Variants in CSMD1 observed in about 807,000 individuals in gnomAD.
CSMD1 encodes the protein CUB and sushi domain-containing protein 1.
In CSMD1, 213 loss-of-function variants were observed where a neutral mutation model predicts 417.5. That is an observed-to-expected ratio of 0.51 (90% CI 0.46 to 0.57). The LOEUF is 0.57. Ranked by LOEUF, CSMD1 falls within the 20% of genes least tolerant of loss-of-function variation. The pLI is 0.00. For synonymous variants in CSMD1, 2,862 were observed against 1,736.8 expected (o/e 1.65, Z -16.11); for missense variants, 6,923 against 4,529.7 (o/e 1.53, Z -15.17).
chr8:3,025,481 A>C (rs570460335), intron 51 of CSMD1, among the ~76,000 whole-genome samples: 1 of 152,076 alleles, frequency 6.6e-6, no homozygotes. Context: ...GTGTGGTGTT[A>C]TTCTGAAACT....
In CSMD1 at chr8:4,543,615, C is replaced by T. The variant is rs537746700; in HGVS notation, c.302+93727G>A. 3.3e-3 allele frequency among the ~76,000 whole-genome samples: 411 copies of T among 124,618 alleles called. 1 individual carries two copies. The Middle Eastern group carries it at 0.053, about 16-fold the overall frequency. 81.8% of individuals were successfully genotyped at this position (124,618 alleles called of 152,430 possible). ...TTTTGTATGAACATAAGTTTCAATT[C>T]ATTTCAGTAGATACCTATGATGGCT... is the stretch of plus-strand genomic sequence containing the variant. On this transcript the variant is annotated intron_variant, in intron 2 of 69. Coordinates refer to ENST00000635120, the MANE Select transcript of CSMD1 (RefSeq NM_033225.6).
At chr8:3,695,810 C>G (rs1397245088) in intron 7 of CSMD1, among the ~76,000 whole-genome samples, 1 of 152,160 alleles carries the variant, frequency 6.6e-6, no homozygotes, top group Admixed American at 6.5e-5. Flanking sequence ...CCAGCAAACA[C>G]TTTTCCAACT....
rs529022546 is a variant in CSMD1, at chr8:4,421,158, A to T, written c.303-1093T>A. Among the ~76,000 whole-genome samples, 9 of 152,316 alleles carry T rather than the reference A, an allele frequency of 5.9e-5. No individual in the cohort carries two copies. In the East Asian group the frequency reaches 1.7e-3, roughly 29 times the overall value. On this transcript the variant is annotated intron_variant, in intron 2 of 69. Transcript: ENST00000635120. The stretch of plus-strand genomic sequence containing the variant: ...GAATGGAAAAAGAAACCATTGTCAT[A>T]CCAGAAGACACTGCTTTGTACTTTA...
chr8:4,468,002 T>C (rs1379611991), intron 2 of CSMD1, among the ~76,000 whole-genome samples: 1 of 152,172 alleles, frequency 6.6e-6, no homozygotes, highest in East Asian at 1.9e-4. Flanking sequence ...GCTGTAGATT[T>C]GTGTAGTGAT....
Position 3,698,722 on chromosome 8 carries a change from A to G in CSMD1, c.1009+9692T>C, listed in dbSNP as rs532092471. Among the ~76,000 whole-genome samples, 5 of 152,374 alleles carry G rather than the reference A, an allele frequency of 3.3e-5. No individual in the cohort carries two copies. In the East Asian group the frequency reaches 9.6e-4, roughly 29 times the overall value. On this transcript the variant is annotated intron_variant, in intron 7 of 69. Coordinates refer to ENST00000635120, the MANE Select transcript of CSMD1 (RefSeq NM_033225.6). ...TTGTGAAGCAAAATGTGTTTCTCAC[A>G]GATGAGTAAAGAGGATCATGTTCAT...
At chr8:4,454,539 T>A (rs1799353472) in intron 2 of CSMD1, among the ~76,000 whole-genome samples, 1 of 152,184 alleles carries the variant, frequency 6.6e-6, no homozygotes, top group Non-Finnish European at 1.5e-5. Flanking sequence ...TTCTGATTTC[T>A]AATACAGAGC....
intron 2 of CSMD1, among the ~76,000 whole-genome samples, chr8:4,550,329 G>GCACACAAA (rs1797815039): frequency 1.4e-5 from 2 of 139,622 alleles, no homozygotes; most frequent in Non-Finnish European, 3.1e-5. Context: ...ATACACACAC[G>GCACACAAA]CACACACACA....
chr8:3,501,370 C>G (rs552558253), intron 10 of CSMD1, among the ~76,000 whole-genome samples: 1 of 152,106 alleles, frequency 6.6e-6, no homozygotes, highest in African/African-American at 2.4e-5. Flanking sequence ...GATGTTCTTC[C>G]GTAAACTACA....
chr8:4,783,876 C>T (rs971089347), intron 1 of CSMD1, among the ~76,000 whole-genome samples: 1 of 152,128 alleles, frequency 6.6e-6, no homozygotes, highest in Admixed American at 6.5e-5. Context: ...TACTTTATGT[C>T]GGCTTTTGTG....
intron 20 of CSMD1, among the ~76,000 whole-genome samples, chr8:3,361,434 C>G (rs920662964): frequency 1.3e-5 from 2 of 151,840 alleles, no homozygotes; most frequent in Non-Finnish European, 2.9e-5. Context: ...TGAGACCAGA[C>G]TGACTAACAC....
At chr8:3,671,309 G>A (rs1021307136) in intron 7 of CSMD1, among the ~76,000 whole-genome samples, 1 of 147,494 alleles carries the variant, frequency 6.8e-6, no homozygotes, top group Non-Finnish European at 1.5e-5. Flanking sequence ...CCTGATAAAT[G>A]CTAACATTAG....
chr8:3,730,827 G>T (rs957809979), intron 6 of CSMD1, among the ~76,000 whole-genome samples: 1 of 152,162 alleles, frequency 6.6e-6, no homozygotes, highest in African/African-American at 2.4e-5. Context: ...CCCCATTCAT[G>T]TTATGCCAGA....
chr8:4,299,645 C>G (rs1797873783), intron 3 of CSMD1, among the ~76,000 whole-genome samples: 1 of 152,054 alleles, frequency 6.6e-6, no homozygotes. Context: ...TCTTTCTTTT[C>G]TTTCTTTGAG....
intron 65 of CSMD1, 53 bp from the exon 66 acceptor site, chr8:2,951,328 T>G: frequency 6.6e-7 from 1 of 1,525,732 alleles, no homozygotes; most frequent in Non-Finnish European, 8.8e-7. Context: ...AACAATAAAT[T>G]CAGACATTAT....
At chr8:4,036,741 A>G (rs1797637800) in intron 3 of CSMD1, among the ~76,000 whole-genome samples, 1 of 152,184 alleles carries the variant, frequency 6.6e-6, no homozygotes, top group South Asian at 2.1e-4. Context: ...GCAGGCTTTT[A>G]TTTTACACCA....
intron 5 of CSMD1, among the ~76,000 whole-genome samples, chr8:3,922,258 A>C (rs562316061): frequency 6.6e-6 from 1 of 151,990 alleles, no homozygotes; most frequent in Non-Finnish European, 1.5e-5. Flanking sequence ...CTTTCAACCT[A>C]TGTGTGCTCT....
At chr8:3,810,506 G>T (rs1444100821) in intron 5 of CSMD1, among the ~76,000 whole-genome samples, 9 of 152,130 alleles carry the variant, frequency 5.9e-5, no homozygotes, top group Non-Finnish European at 1.2e-4. Flanking sequence ...GGCTGGTCAT[G>T]GAAGAGGTCA....
chr8:3,421,361 A>C lies in CSMD1; in HGVS notation c.1562-11756T>G, dbSNP rs190349825. On this transcript the variant is annotated intron_variant, in intron 12 of 69. Coordinates refer to ENST00000635120, the MANE Select transcript of CSMD1 (RefSeq NM_033225.6). ...ACATTCCTGAGGGAGCCACACATTG[A>C]ATGGGCAGAGATAAAGGAATGACCA... Among the ~76,000 whole-genome samples the C allele has an allele frequency of 5.4e-4, 82 of 152,344 alleles. 3 individuals are homozygous for C. Among genetic ancestry groups the C allele is most frequent in the Non-Finnish European group, 2.5e-4 (17 of 68,028 alleles).
chr8:4,637,317 G>A (rs1802882074), intron 2 of CSMD1, 25 bp downstream of exon 2: 2 of 1,522,902 alleles, frequency 1.3e-6, no homozygotes, highest in East Asian at 2.3e-5. Context: ...AGTGCTAACT[G>A]TAATATAAAA....
Sources: gnomAD v4.1 joint callset for allele counts (sites outside exome capture counted in the v4.1 genomes callset) on GRCh38, gnomAD v4.1.1 for gene constraint, MANE v1.5 for transcripts, NCBI Gene and HGNC (gene_info 2026-07-23, HGNC 2026-07-21) for gene names.